The following SCIN variants were observed in gnomAD, a reference collection of about 807,000 sequenced individuals.
SCIN encodes the protein adseverin.
A neutral mutation model predicts 91.8 loss-of-function variants in SCIN; 91 were observed. The observed-to-expected ratio is 0.99, with a 90% CI of 0.84 to 1.18. SCIN has a LOEUF of 1.18. Ranked by LOEUF, SCIN falls within the 50% of genes most tolerant of loss-of-function variation. The pLI is 0.00. For synonymous variants in SCIN, 367 were observed against 312.6 expected, an observed-to-expected ratio of 1.17 and a Z score of -1.84; for missense variants, 1,087 against 863.9, an observed-to-expected ratio of 1.26 and a Z score of -3.24.
chr7:12,623,240 C>G (rs184199165), intron 5 of SCIN, among the ~76,000 whole-genome samples: 5 of 152,136 alleles, frequency 3.3e-5, no homozygotes, highest in Middle Eastern at 3.4e-3. Context: ...CTTATAAATT[C>G]TTGATAAGAA....
chr7:12,618,841 G>T (rs1212998218), intron 4 of SCIN, among the ~76,000 whole-genome samples: 2 of 152,104 alleles, frequency 1.3e-5, no homozygotes, highest in African/African-American at 2.4e-5. Flanking sequence ...GAACCTGTGA[G>T]CTGATTCTGT....
intron 3 of SCIN, among the ~76,000 whole-genome samples, chr7:12,585,736 T>A (rs969313646): frequency 1.3e-5 from 2 of 152,196 alleles, no homozygotes; most frequent in Non-Finnish European, 2.9e-5. Context: ...TCTAATTATC[T>A]CTTGAATCTT....
chr7:12,598,401 G>T (rs746890497), intron 3 of SCIN, among the ~76,000 whole-genome samples: 1 of 151,956 alleles, frequency 6.6e-6, no homozygotes, highest in Non-Finnish European at 1.5e-5. Flanking sequence ...GTGTTGGGCC[G>T]CACAGTTTAT....
At chr7:12,587,937 C>G (rs1253964760) in intron 3 of SCIN, among the ~76,000 whole-genome samples, 2 of 152,216 alleles carry the variant, frequency 1.3e-5, no homozygotes, top group African/African-American at 4.8e-5. Flanking sequence ...AGATGCAAAA[C>G]CAGCTTTCGA....
chr7:12,625,486 G>A (rs867815764), intron 6 of SCIN, among the ~76,000 whole-genome samples: 10 of 90,924 alleles, frequency 1.1e-4, no homozygotes, highest in South Asian at 3.9e-4. Flanking sequence ...CCGCCACCAC[G>A]CCCAGCTAAT....
intron 3 of SCIN, among the ~76,000 whole-genome samples, chr7:12,584,233 T>C (rs1782542975): frequency 6.6e-6 from 1 of 152,178 alleles, no homozygotes; most frequent in Non-Finnish European, 1.5e-5. Context: ...TAGTAGTAAT[T>C]GCGCTAGTTA....
At chr7:12,624,235 A>G (rs1783467184) in intron 5 of SCIN, among the ~76,000 whole-genome samples, 1 of 152,202 alleles carries the variant, frequency 6.6e-6, no homozygotes, top group Admixed American at 6.5e-5. Flanking sequence ...GCAAAACTCC[A>G]CTAATCTAGG....
intron 14 of SCIN, among the ~76,000 whole-genome samples, chr7:12,649,973 T>C (rs1265627508): frequency 6.6e-6 from 1 of 151,352 alleles, no homozygotes; most frequent in Non-Finnish European, 1.5e-5. Flanking sequence ...ACAGGCAGAA[T>C]AGTTTTGAAT....
chr7:12,643,298 C>T (rs1583320134), intron 11 of SCIN, among the ~76,000 whole-genome samples: 3 of 152,198 alleles, frequency 2.0e-5, no homozygotes, highest in African/African-American at 4.8e-5. Flanking sequence ...TTTTAGATCT[C>T]ATTTCCTGAT....
intron 11 of SCIN, 83 bp from the exon 12 acceptor site, chr7:12,644,046 TATGGTTTGC>T: frequency 8.7e-7 from 1 of 1,152,022 alleles, no homozygotes. Flanking sequence ...GAAGGCGATG[TATGGTTTGC>T]CACAGTCACA....
chr7:12,652,186 C>T (rs544436039), intron 15 of SCIN, among the ~76,000 whole-genome samples: 10 of 152,264 alleles, frequency 6.6e-5, no homozygotes, highest in African/African-American at 2.4e-4. Context: ...AAGAGTAAAA[C>T]CTCCATGACT....
intron 4 of SCIN, among the ~76,000 whole-genome samples, chr7:12,612,756 C>T (rs1290327966): frequency 6.6e-6 from 1 of 152,146 alleles, no homozygotes; most frequent in African/African-American, 2.4e-5. Flanking sequence ...CTCACCAATT[C>T]ATCCAGTGGG....
At chr7:12,590,298 A>T (rs535729592) in intron 3 of SCIN, among the ~76,000 whole-genome samples, 1 of 152,184 alleles carries the variant, frequency 6.6e-6, no homozygotes, top group Non-Finnish European at 1.5e-5. Flanking sequence ...TCTATTTGCC[A>T]GTCCTCCCCT....
chr7:12,622,832 G>C lies in SCIN; in HGVS notation c.698G>C (p.Gly233Ala). 1 of 1,613,080 alleles carries C rather than the reference G, an allele frequency of 6.2e-7. No homozygotes were observed. The highest frequency in any genetic ancestry group is 8.5e-7 in the Non-Finnish European group (1 of 1,179,342). The change falls in exon 5 of 16, where the codon GGA becomes GCA. Residue 233 changes from glycine to alanine, a missense_variant. Gly to Ala is a moderately conservative substitution (Grantham distance 60, BLOSUM62 0). Coordinates refer to ENST00000297029, the MANE Select transcript of SCIN (RefSeq NM_001112706.3). ...GGGGAAAAGCCAGAGCTTCCAGATG[G>C]AGGTGATGATGATGACATTATAGCA... is the stretch of plus-strand genomic sequence containing the variant. ...VLGEKPELPD[G>A]GDDDDIIADI...
chr7:12,578,150 A>G lies in SCIN; in HGVS notation c.286A>G (p.Asn96Asp). ...DDYLGGKPVQ[N>D]RELQGYESND... is the part of the protein sequence containing the mutation. ...CTATTTGGGTGGCAAGCCAGTGCAGAATAGAGAACTTCAAGGATATGAGTC... is the reference window on the plus strand; with the variant it reads ...CTATTTGGGTGGCAAGCCAGTGCAGGATAGAGAACTTCAAGGATATGAGTC... The change falls in exon 2 of 16, where the codon AAT becomes GAT. Residue 96 changes from asparagine to aspartate, a missense_variant. Coordinates refer to ENST00000297029, the MANE Select transcript of SCIN (RefSeq NM_001112706.3). 6.4e-7 allele frequency: 1 copy of G among 1,551,580 alleles called. No homozygotes were observed. Among genetic ancestry groups the G allele is most frequent in the Non-Finnish European group, 8.7e-7 (1 of 1,146,794 alleles).
At chr7:12,606,436 C>G (rs972366012) in intron 4 of SCIN, among the ~76,000 whole-genome samples, 3 of 152,076 alleles carry the variant, frequency 2.0e-5, no homozygotes, top group African/African-American at 7.2e-5. Flanking sequence ...GCCTAAAAAT[C>G]CAGTGATCAG....
chr7:12,641,527 A>T (rs1783859494), intron 11 of SCIN, among the ~76,000 whole-genome samples: 1 of 152,092 alleles, frequency 6.6e-6, no homozygotes, highest in South Asian at 2.1e-4. Context: ...CTCTTCTTTG[A>T]TGACTTCAGC....
intron 4 of SCIN, among the ~76,000 whole-genome samples, chr7:12,605,560 TTA>T (rs1358665292): frequency 1.3e-5 from 2 of 152,184 alleles, no homozygotes; most frequent in Non-Finnish European, 2.9e-5. Context: ...CACATACACC[TTA>T]TATGCACAGC....
intron 13 of SCIN, among the ~76,000 whole-genome samples, chr7:12,647,811 A>C (rs1215722126): frequency 6.6e-6 from 1 of 152,216 alleles, no homozygotes; most frequent in East Asian, 1.9e-4. Context: ...TGTCATGCTC[A>C]GATGTCTGCA....
Sources: allele counts gnomAD v4.1 joint callset (sites outside exome capture counted in the v4.1 genomes callset), GRCh38; gene constraint gnomAD v4.1.1; transcripts MANE v1.5; gene names NCBI Gene and HGNC (gene_info 2026-07-23, HGNC 2026-07-21).